The following FAM110C variants were observed in gnomAD, a reference collection of about 807,000 sequenced individuals.
FAM110C encodes protein FAM110C.
In FAM110C, 19 loss-of-function variants were observed where a neutral mutation model predicts 15.7. That is an observed-to-expected ratio of 1.21 (90% CI 0.85 to 1.78). FAM110C has a LOEUF of 1.78. Ranked by LOEUF, FAM110C falls within the 40% of genes most tolerant of loss-of-function variation. FAM110C has a pLI of 0.00. For synonymous variants in FAM110C, 275 were observed against 233.9 expected, an observed-to-expected ratio of 1.18 and a Z score of -1.61; for missense variants, 547 against 495.7, an observed-to-expected ratio of 1.10 and a Z score of -0.98.
Position 46,022 on chromosome 2 carries a change from G to T in FAM110C, c.364C>A (p.Leu122Met). 6.7e-7 allele frequency: 1 copy of T among 1,497,878 alleles called. No homozygotes were observed. 92.8% of individuals were successfully genotyped at this position (1,497,878 alleles called of 1,614,324 possible). ...GGCCCCTGGAAGAGCTTCTTCACCAGGCTTGCCCTGGGGCCGTCGGCGCCC... is the reference window on the plus strand; with the variant it reads ...GGCCCCTGGAAGAGCTTCTTCACCATGCTTGCCCTGGGGCCGTCGGCGCCC... Reference protein sequence around the residue: ...GSGADGPRASLVKKLFQGPGK... With the variant: ...GSGADGPRASMVKKLFQGPGK... Residue 122 changes from leucine to methionine, a missense_variant, in exon 1 of 2, where the codon CTG (leucine) becomes ATG (methionine). Transcript: ENST00000327669.
At chr2:44,976 T>C in intron 1 of FAM110C, 1 of 985,292 alleles carries the variant, frequency 1.0e-6, no homozygotes, top group Non-Finnish European at 1.2e-6. Context: ...AGCGCCTACC[T>C]AGGGCTGCAG....
At chr2:43,437 T>C in intron 1 of FAM110C, 1 of 985,438 alleles carries the variant, frequency 1.0e-6, no homozygotes, top group South Asian at 4.7e-5. Context: ...CTTAGTGCCT[T>C]CCCAAACCTG....
chr2:42,846 T>C (rs2103270223), intron 1 of FAM110C: 3 of 985,452 alleles, frequency 3.0e-6, no homozygotes, highest in Non-Finnish European at 3.6e-6. Context: ...TTTCAAGAAA[T>C]CCTAAAATGA....
At position 46,086 on chromosome 2, in the gene FAM110C, C is replaced by T; in HGVS notation, c.300G>A (p.Leu100=). 1 of 1,523,040 alleles carries T rather than the reference C, an allele frequency of 6.6e-7. No homozygotes were observed. Among genetic ancestry groups the T allele is most frequent in the Non-Finnish European group, 8.7e-7 (1 of 1,142,932 alleles). 94.3% of individuals were successfully genotyped at this position (1,523,040 alleles called of 1,614,324 possible). Reference sequence around the variant, plus strand: ...ATTCGCATTTCTGCCGGTAGATGATCAGCGAGTCCGGTCTCAACGGCTTCC... The same window carrying T: ...ATTCGCATTTCTGCCGGTAGATGATTAGCGAGTCCGGTCTCAACGGCTTCC... ...IARKPLRPDS[L]IIYRQKCEFV... The change falls in exon 1 of 2, where the codon CTG becomes CTA. Residue 100 remains leucine (L), a synonymous_variant. Transcript: ENST00000327669.
In FAM110C at chr2:44,024, C is replaced by T. The variant is rs934126629; in HGVS notation, c.946+1416G>A. ...CTTAATTCTGGTTTAGTGCTCTATC[C>T]ACCAGACACTGTCCCTCCACGGACC... is the stretch of plus-strand genomic sequence containing the variant. On this transcript the variant is annotated intron_variant, in intron 1 of 1. Coordinates refer to ENST00000327669, the MANE Select transcript of FAM110C (RefSeq NM_001077710.3). 149 of 985,242 alleles carry T rather than the reference C, an allele frequency of 1.5e-4. 1 individual carries two copies. Among genetic ancestry groups the T allele is most frequent in the Admixed American group, 4.3e-4 (7 of 16,250 alleles). 61.0% of individuals were successfully genotyped at this position (985,242 alleles called of 1,614,324 possible).
intron 1 of FAM110C, chr2:44,009 G>C: frequency 2.0e-6 from 2 of 985,308 alleles, no homozygotes. Context: ...CTTAATTCTG[G>C]TTTAGTGCTC....
intron 1 of FAM110C, 40 bp downstream of exon 1, chr2:45,400 G>A (rs1225041675): frequency 1.3e-6 from 2 of 1,567,266 alleles, no homozygotes; most frequent in African/African-American, 1.4e-5. Flanking sequence ...TCACAGCCCC[G>A]CACACGGCCA....
chr2:44,477 T>A, intron 1 of FAM110C: 1 of 985,376 alleles, frequency 1.0e-6, no homozygotes, highest in Non-Finnish European at 1.2e-6. Flanking sequence ...AATAATTTCA[T>A]CTCATGATTT....
chr2:41,443 T>C lies in FAM110C; in HGVS notation c.*165A>G. On this transcript the variant is annotated 3_prime_UTR_variant, in exon 2 of 2. Transcript: ENST00000327669. The stretch of plus-strand genomic sequence containing the variant: ...TACAACTCAGCTAAATTTCAAGGTC[T>C]GTGTTCCCATATTCTCTGTAGTATT... 1.5e-6 allele frequency: 1 copy of C among 657,690 alleles called. No homozygotes were observed. The highest frequency in any genetic ancestry group is 2.4e-6 in the Non-Finnish European group (1 of 413,414). 40.7% of individuals were successfully genotyped at this position (657,690 alleles called of 1,614,324 possible).
At chr2:44,435 G>T in intron 1 of FAM110C, 1 of 985,328 alleles carries the variant, frequency 1.0e-6, no homozygotes, top group Non-Finnish European at 1.2e-6. Flanking sequence ...AGGCTGCCAT[G>T]CATCTTCACT....
rs1429463679 is a variant in FAM110C, at chr2:39,265, A to G, written c.*2343T>C. The G allele has an allele frequency of 6.6e-6, 1 of 152,108 alleles. No homozygotes were observed. Among genetic ancestry groups the G allele is most frequent in the Non-Finnish European group, 1.5e-5 (1 of 68,028 alleles). 9.4% of individuals were successfully genotyped at this position (152,108 alleles called of 1,614,324 possible). On this transcript the variant is annotated 3_prime_UTR_variant, in exon 2 of 2. Coordinates refer to ENST00000327669, the MANE Select transcript of FAM110C (RefSeq NM_001077710.3). ...AAGAAGTTCTTTAGTTTTACTTTTT[A>G]TATATATTTTTAGAGACAGGGTCTT...
chr2:44,193 T>C (rs1664212208), intron 1 of FAM110C: 112 of 985,448 alleles, frequency 1.1e-4, no homozygotes, highest in Non-Finnish European at 1.3e-4. Flanking sequence ...TGCCTATATA[T>C]ATTTGTTGGG....
In FAM110C at chr2:40,024, A is replaced by C. The variant is rs906561464; in HGVS notation, c.*1584T>G. 2.0e-5 allele frequency: 3 copies of C among 152,226 alleles called. No individual in the cohort carries two copies. Among genetic ancestry groups the C allele is most frequent in the African/African-American group, 7.2e-5 (3 of 41,450 alleles). The allele number at this position is 152,226 out of a possible 1,614,324, so 9.4% of individuals were successfully genotyped here. Reference sequence around the variant, plus strand: ...TATTCGGCCAGCAAAGGCTCCCTAAATGTGTATCTGAGACTTATTTGAAAA... The same window carrying C: ...TATTCGGCCAGCAAAGGCTCCCTAACTGTGTATCTGAGACTTATTTGAAAA... On this transcript the variant is annotated 3_prime_UTR_variant, in exon 2 of 2. Transcript: ENST00000327669.
intron 1 of FAM110C, chr2:42,074 G>A (rs1318478683): frequency 6.1e-6 from 6 of 985,278 alleles, no homozygotes; most frequent in Admixed American, 6.1e-5. Context: ...CGGGTCACAC[G>A]ACAGGGAAGA....
intron 1 of FAM110C, chr2:44,029 G>A (rs1664206300): frequency 1.0e-6 from 1 of 985,240 alleles, no homozygotes; most frequent in Admixed American, 6.2e-5. Flanking sequence ...CTATCCACCA[G>A]ACACTGTCCC....
chr2:41,411 C>T lies in FAM110C; in HGVS notation c.*197G>A. On this transcript the variant is annotated 3_prime_UTR_variant, in exon 2 of 2. Transcript: ENST00000327669. ...ACAAGGAAGACACCTCTTGGAGTTTCAGCTGTTACAACTCAGCTAAATTTC... is the reference window on the plus strand; with the variant it reads ...ACAAGGAAGACACCTCTTGGAGTTTTAGCTGTTACAACTCAGCTAAATTTC... The T allele has an allele frequency of 2.0e-6, 1 of 506,040 alleles. No individual in the cohort carries two copies. Among genetic ancestry groups the T allele is most frequent in the Non-Finnish European group, 3.4e-6 (1 of 296,408 alleles). 31.3% of individuals were successfully genotyped at this position (506,040 alleles called of 1,614,324 possible).
At chr2:42,507 T>C (rs1198180253) in intron 1 of FAM110C, among the ~76,000 whole-genome samples, 2 of 152,202 alleles carry the variant, frequency 1.3e-5, no homozygotes, top group Non-Finnish European at 2.9e-5. Flanking sequence ...TCACAGCAGA[T>C]AAAAGAGATA....
In FAM110C at chr2:45,777, G is replaced by A; in HGVS notation, c.609C>T (p.Asp203=). The change falls in exon 1 of 2, where the codon GAC becomes GAT. Residue 203 remains aspartate (D), a synonymous_variant. Coordinates refer to ENST00000327669, the MANE Select transcript of FAM110C (RefSeq NM_001077710.3). ...RRRGLQRSQS[D]LSSRYSAALA... ...AGGCAGCGGAATAGCGGGAGCTGAG[G>A]TCCGACTGTGAGCGCTGCAGCCCCC... The A allele has an allele frequency of 6.4e-7, 1 of 1,570,336 alleles. No homozygotes were observed. Among genetic ancestry groups the A allele is most frequent in the African/African-American group, 1.3e-5 (1 of 74,254 alleles).
rs1326415423 is a variant in FAM110C, at chr2:41,371, C to T, written c.*237G>A. 2.4e-6 allele frequency: 1 copy of T among 423,242 alleles called. No individual in the cohort carries two copies. Among genetic ancestry groups the T allele is most frequent in the African/African-American group, 2.0e-5 (1 of 48,922 alleles). The allele number at this position is 423,242 out of a possible 1,614,324, so 26.2% of individuals were successfully genotyped here. On this transcript the variant is annotated 3_prime_UTR_variant, in exon 2 of 2. Transcript: ENST00000327669. ...TTCCAGCTGCCCTCTGGAAGCAACA[C>T]TAGTTTCACCTCAAACAAGGAAGAC...
Sources: gnomAD v4.1 joint callset for allele counts (sites outside exome capture counted in the v4.1 genomes callset) on GRCh38, gnomAD v4.1.1 for gene constraint, MANE v1.5 for transcripts, NCBI Gene and HGNC (gene_info 2026-07-23, HGNC 2026-07-21) for gene names.